Variants in FANCD2 observed in about 807,000 individuals in gnomAD.
FANCD2 encodes FA complementation group D2.
A neutral mutation model predicts 192.3 loss-of-function variants in FANCD2; 131 were observed. The observed-to-expected ratio is 0.68, with a 90% CI of 0.59 to 0.79. The LOEUF (loss-of-function observed/expected upper bound fraction) is 0.79, where lower values mean the gene tolerates loss of function less well. Among genes scored for constraint, FANCD2 ranks in the 30% least tolerant of loss-of-function variants. The probability of loss-of-function intolerance (pLI) is 0.00; values close to 1 mark genes in which losing one functional copy is unlikely to be tolerated. For missense variants in FANCD2, 1,508 were observed against 1,701.6 expected, an observed-to-expected ratio of 0.89 and a Z score of 2.00; for synonymous variants, 524 against 612.5, an observed-to-expected ratio of 0.86 and a Z score of 2.13.
chr3:10,051,865 A>G (rs1463422555), intron 17 of FANCD2, among the ~76,000 whole-genome samples: 1 of 152,204 alleles, frequency 6.6e-6, no homozygotes, highest in African/African-American at 2.4e-5. Context: ...AAGGTCACAA[A>G]GTAAATAGTT....
Position 10,078,104 on chromosome 3 carries a change from G to A in FANCD2, c.2883G>A (p.Gly961=), listed in dbSNP as rs1469133250. ...AGGCTACAGAAGTTGTGCAACTTGGGCCCCCTGAGCTGCTTTTCTTGCTGG... is the reference window on the plus strand; with the variant it reads ...AGGCTACAGAAGTTGTGCAACTTGGACCCCCTGAGCTGCTTTTCTTGCTGG... ...HTEATEVVQL[G]PPELLFLLED... is the part of the protein sequence containing the mutation. Residue 961 remains glycine (G), a synonymous_variant, in exon 30 of 44, where the codon GGG becomes GGA. Transcript: ENST00000675286. The A allele has an allele frequency of 1.2e-6, 2 of 1,613,356 alleles. No homozygotes were observed. The highest frequency in any genetic ancestry group is 4.5e-5 in the East Asian group (2 of 44,862).
chr3:10,035,214 T>C lies in FANCD2; in HGVS notation c.419T>C (p.Leu140Pro). 1 of 1,613,880 alleles carries C rather than the reference T, an allele frequency of 6.2e-7. No homozygotes were observed. Among genetic ancestry groups the C allele is most frequent in the Non-Finnish European group, 8.5e-7 (1 of 1,179,826 alleles). The change falls in exon 6 of 44, where the codon CTG becomes CCG. Residue 140 changes from leucine (L) to proline (P), a missense_variant. Leu to Pro is a moderately conservative substitution (Grantham distance 98, BLOSUM62 -3). This residue lies in a region of FANCD2 where 435 missense variants were observed against 421.9 expected (regional missense o/e 1.03). Coordinates refer to ENST00000675286, the MANE Select transcript of FANCD2 (RefSeq NM_001018115.3). ...SYSKSLIKLLLGIDILQPAII... is the reference protein window; with the variant it reads ...SYSKSLIKLLPGIDILQPAII... ...TCTAAGAGTCTCATCAAACTGCTTC[T>C]GGGGATTGACATACTGCAGGTAAGA...
Position 10,081,162 on chromosome 3 carries a change from T to A in FANCD2, c.3039T>A (p.Val1013=). 1.2e-6 allele frequency: 2 copies of A among 1,614,180 alleles called. No homozygotes were observed. The highest frequency in any genetic ancestry group is 1.7e-6 in the Non-Finnish European group (2 of 1,180,026). ...AACAGAGATCTGCCCAAGAAATTGT[T>A]CATTGTGTTTTTCAACTGCTGACCC... The part of the protein sequence containing the change: ...HLQQRSAQEI[V]HCVFQLLTPM... Residue 1013 remains valine (V), a synonymous_variant, in exon 31 of 44, where the codon GTT becomes GTA. Transcript: ENST00000675286.
At chr3:10,028,761 A>G (rs985829609) in intron 2 of FANCD2, 40 bp downstream of exon 2, 3 of 1,521,806 alleles carry the variant, frequency 2.0e-6, no homozygotes, top group Non-Finnish European at 2.7e-6. Context: ...TCCTGTAGCA[A>G]TGTGTGAGGC....
intron 7 of FANCD2, among the ~76,000 whole-genome samples, chr3:10,037,224 A>G (rs994835190): frequency 3.3e-5 from 5 of 152,184 alleles, no homozygotes; most frequent in African/African-American, 1.2e-4. Flanking sequence ...GAAATACAAG[A>G]ACATCAAATA....
Position 10,077,764 on chromosome 3 carries a change from T to C in FANCD2, c.2860-317T>C, listed in dbSNP as rs1693614112. 2.6e-5 allele frequency among the ~76,000 whole-genome samples: 4 copies of C among 151,822 alleles called. No individual in the cohort carries two copies. The South Asian group carries it at 8.3e-4, about 32-fold the overall frequency. On this transcript the variant is annotated intron_variant, in intron 29 of 43. Coordinates refer to ENST00000675286, the MANE Select transcript of FANCD2 (RefSeq NM_001018115.3). ...ATTCGCTGGGCCCAGGTGTGGTGGTTCATACCTGTAATCCTGGCATATTGG... is the reference window on the plus strand; with the variant it reads ...ATTCGCTGGGCCCAGGTGTGGTGGTCCATACCTGTAATCCTGGCATATTGG...
Position 10,081,323 on chromosome 3 carries a change from C to A in FANCD2, c.3106-23C>A, listed in dbSNP as rs763296605. 7 of 1,611,140 alleles carry A rather than the reference C, an allele frequency of 4.3e-6. No homozygotes were observed. The East Asian group carries it at 1.6e-4, about 36-fold the overall frequency. On this transcript the variant is annotated intron_variant, in intron 31 of 43. Transcript: ENST00000675286. ...TGAGGACAATTACTGAAGCAACTGT[C>A]CTAAAATCATTTTTATTTTTAGTGT...
chr3:10,028,802 A>C (rs2086520413), intron 2 of FANCD2, 81 bp downstream of exon 2: 1 of 1,162,186 alleles, frequency 8.6e-7, no homozygotes, highest in African/African-American at 1.5e-5. Context: ...CTGCTTTTCA[A>C]GTGCTGAGAA....
chr3:10,084,739 A>C (rs542710779), intron 32 of FANCD2, among the ~76,000 whole-genome samples: 11 of 152,364 alleles, frequency 7.2e-5, no homozygotes, highest in African/African-American at 2.6e-4. Flanking sequence ...ACTGGTGATC[A>C]GGAAGATGCT....
At chr3:10,046,092 C>T (rs1280742040) in intron 14 of FANCD2, among the ~76,000 whole-genome samples, 1 of 134,802 alleles carries the variant, frequency 7.4e-6, no homozygotes, top group African/African-American at 3.1e-5. Context: ...CTCGCTCTCT[C>T]ACCCAGGCTG....
intron 26 of FANCD2, among the ~76,000 whole-genome samples, chr3:10,070,275 T>C (rs58543053): frequency 0.25 from 33,537 of 135,744 alleles, 5,052 homozygotes; most frequent in African/African-American, 0.46. Context: ...GCAGCCACCC[T>C]GTCTGGGAAG....
intron 7 of FANCD2, 105 bp downstream of exon 7, chr3:10,036,444 C>A: frequency 1.2e-6 from 1 of 854,920 alleles, no homozygotes; most frequent in Non-Finnish European, 1.9e-6. Flanking sequence ...TCATATTTAT[C>A]ATTATATTTC....
intron 6 of FANCD2, among the ~76,000 whole-genome samples, chr3:10,036,086 C>CTTTTTTTTTTTTTTTTTTTGTTTTT: frequency 9.7e-6 from 1 of 102,602 alleles, no homozygotes; most frequent in Non-Finnish European, 2.0e-5. Flanking sequence ...TTATACATTT[C>CTTTTTTTTTTTTTTTTTTTGTTTTT]TTTTTTTTTT....
chr3:10,042,745 T>C lies in FANCD2; in HGVS notation c.888+82T>C, dbSNP rs571077672. 4 of 1,061,158 alleles carry C rather than the reference T, an allele frequency of 3.8e-6. No individual in the cohort carries two copies. The Admixed American group carries it at 6.7e-5, about 18-fold the overall frequency. The allele number at this position is 1,061,158 out of a possible 1,614,324, so 65.7% of individuals were successfully genotyped here. A position where few individuals can be genotyped will look rare whatever the true frequency, so the allele number is the denominator to read the frequency against. ...TCTCTGTCCCCAGACTAACTGAGAA[T>C]ACTGACTAATCCGGATAGCATTCAG... On this transcript the variant is annotated intron_variant, in intron 11 of 43. Transcript: ENST00000675286.
At chr3:10,034,195 G>T (rs984678065) in intron 3 of FANCD2, among the ~76,000 whole-genome samples, 1 of 143,436 alleles carries the variant, frequency 7.0e-6, no homozygotes, top group Non-Finnish European at 1.5e-5. Flanking sequence ...AAAAAAAAAC[G>T]TGTCTGTAGT....
At chr3:10,045,442 A>G (rs2086977938) in intron 14 of FANCD2, 1 of 152,232 alleles carries the variant, frequency 6.6e-6, no homozygotes, top group Non-Finnish European at 1.5e-5. Flanking sequence ...TGCTGGGATT[A>G]TAGGCGTGAG....
intron 6 of FANCD2, among the ~76,000 whole-genome samples, chr3:10,036,082 A>ATTTTTTTTTTTT (rs781686867): frequency 1.9e-5 from 2 of 103,870 alleles, no homozygotes; most frequent in African/African-American, 9.1e-5. Flanking sequence ...AGAATTATAC[A>ATTTTTTTTTTTT]TTTCTTTTTT....
chr3:10,081,951 G>T (rs573694583), intron 32 of FANCD2, among the ~76,000 whole-genome samples: 4 of 152,208 alleles, frequency 2.6e-5, no homozygotes, highest in Non-Finnish European at 5.9e-5. Context: ...GTTCCTCAGG[G>T]ACAGGCGTTG....
intron 18 of FANCD2, among the ~76,000 whole-genome samples, chr3:10,059,674 C>T (rs1475051628): frequency 2.0e-5 from 3 of 151,940 alleles, no homozygotes; most frequent in Non-Finnish European, 4.4e-5. Flanking sequence ...TGGTTGGTGG[C>T]GGGCACCTGT....
Sources: allele counts gnomAD v4.1 joint callset (sites outside exome capture counted in the v4.1 genomes callset), GRCh38; gene constraint gnomAD v4.1.1; regional missense constraint gnomAD v4.1.1; transcripts MANE v1.5; gene names NCBI Gene and HGNC (gene_info 2026-07-23, HGNC 2026-07-21).